NBAS: variants seen among roughly 807,000 people sequenced by gnomAD.
NBAS encodes the protein NBAS subunit of NRZ tethering complex, also known as NAG/BC035112 fusion.
NBAS carries 219 observed loss-of-function variants against 302.5 expected under a neutral mutation model. The observed-to-expected ratio is 0.72, with a 90% CI of 0.65 to 0.81. NBAS has a LOEUF of 0.81. Among genes scored for constraint, NBAS ranks in the 30% least tolerant of loss-of-function variants. The pLI, the probability that NBAS is intolerant of heterozygous loss-of-function variation, is 0.00. For synonymous variants in NBAS, 1,118 were observed against 1,021.6 expected (o/e 1.09, Z -1.80); for missense variants, 2,932 against 2,841.6 (o/e 1.03, Z -0.72).
intron 9 of NBAS, among the ~76,000 whole-genome samples, chr2:15,519,009 G>A (rs184241488): frequency 1.1e-3 from 171 of 152,226 alleles, no homozygotes; most frequent in African/African-American, 4.0e-3. Context: ...TGAGATTTGG[G>A]TGGGGACACA....
At chr2:15,257,400 CT>C (rs528160196) in intron 44 of NBAS, among the ~76,000 whole-genome samples, 2,273 of 135,126 alleles carry the variant, frequency 0.017, 34 homozygotes, top group African/African-American at 0.05. Flanking sequence ...CATTTAATTT[CT>C]TTTTTTTTTT....
At chr2:15,059,716 T>C in the NBAS span, among the ~76,000 whole-genome samples, 1 of 152,238 alleles carries the variant, frequency 6.6e-6, no homozygotes, top group Non-Finnish European at 1.5e-5. Context: ...CTGTCTCTCA[T>C]GAGAACAGGC....
At chr2:15,360,340 AAAAAAAC>A (rs1673842928) in intron 32 of NBAS, among the ~76,000 whole-genome samples, 2 of 119,658 alleles carry the variant, frequency 1.7e-5, no homozygotes, top group South Asian at 5.2e-4. Context: ...TAAAAAAAAA[AAAAAAAC>A]AAAACAAAAC....
chr2:15,098,450 A>ATTACATATGATATATTGTATATAATATG, the NBAS span, among the ~76,000 whole-genome samples: 1 of 58,694 alleles, frequency 1.7e-5, no homozygotes, highest in Non-Finnish European at 2.8e-5. Flanking sequence ...TATATTGTAT[A>ATTACATATGATATATTGTATATAATATG]TTATATATTA....
chr2:14,927,110 C>A, the NBAS span, among the ~76,000 whole-genome samples: 25 of 152,360 alleles, frequency 1.6e-4, no homozygotes, highest in African/African-American at 6.0e-4. Context: ...GCTTCATCTG[C>A]AGCACTACCT....
At chr2:15,053,665 C>A in the NBAS span, among the ~76,000 whole-genome samples, 1 of 151,954 alleles carries the variant, frequency 6.6e-6, no homozygotes, top group Admixed American at 6.5e-5. Context: ...CCGGGGGGAT[C>A]TCGGGGTCCA....
At chr2:15,468,845 G>A (rs1208234308) in intron 16 of NBAS, among the ~76,000 whole-genome samples, 1 of 152,172 alleles carries the variant, frequency 6.6e-6, no homozygotes, top group Non-Finnish European at 1.5e-5. Flanking sequence ...CCTTTGGTTT[G>A]CACCGTGGCT....
the NBAS span, among the ~76,000 whole-genome samples, chr2:14,982,559 A>C: frequency 6.6e-6 from 1 of 152,116 alleles, no homozygotes; most frequent in African/African-American, 2.4e-5. Flanking sequence ...AATGGAAGAG[A>C]GGGTATCTAG....
At chr2:15,086,628 C>T in the NBAS span, among the ~76,000 whole-genome samples, 12 of 152,128 alleles carry the variant, frequency 7.9e-5, no homozygotes, top group African/African-American at 2.4e-4. Context: ...TCCAAGCTTC[C>T]GGTGCCACCA....
At chr2:15,162,854 C>G (rs1663928563), downstream of NBAS, among the ~76,000 whole-genome samples, 1 of 152,194 alleles carries the variant, frequency 6.6e-6, no homozygotes, top group African/African-American at 2.4e-5. Context: ...GCTGTTGGAG[C>G]TAAATTAGAC....
chr2:15,406,562 C>T (rs1323198339), intron 25 of NBAS, among the ~76,000 whole-genome samples: 1 of 151,944 alleles, frequency 6.6e-6, no homozygotes. Context: ...AATTTGACTA[C>T]ACAAAAATTA....
At chr2:15,403,127 A>T (rs1008621656) in intron 25 of NBAS, among the ~76,000 whole-genome samples, 1 of 151,888 alleles carries the variant, frequency 6.6e-6, no homozygotes, top group African/African-American at 2.4e-5. Context: ...CAATAAAATA[A>T]ATCTAAGATA....
At chr2:15,148,515 T>A in the NBAS span, among the ~76,000 whole-genome samples, 1 of 151,822 alleles carries the variant, frequency 6.6e-6, no homozygotes, top group South Asian at 2.1e-4. Context: ...ACGTGCAGAG[T>A]GGTACCTGTG....
At chr2:15,473,526 T>C (rs1680050904) in intron 15 of NBAS, among the ~76,000 whole-genome samples, 179 bp from the exon 16 acceptor site, 1 of 152,198 alleles carries the variant, frequency 6.6e-6, no homozygotes, top group Admixed American at 6.5e-5. Context: ...TCGTGTTTCT[T>C]TCAGCACTTC....
the NBAS span, among the ~76,000 whole-genome samples, chr2:14,997,304 C>A: frequency 2.0e-5 from 3 of 152,102 alleles, no homozygotes; most frequent in Non-Finnish European, 4.4e-5. Flanking sequence ...GACACATACA[C>A]CTGAATCTAA....
chr2:15,308,448 G>C, intron 39 of NBAS, 95 bp from the exon 40 acceptor site: 2 of 1,489,592 alleles, frequency 1.3e-6, no homozygotes, highest in Non-Finnish European at 1.8e-6. Context: ...CAGATTTTTT[G>C]TACAAAGTTC....
chr2:15,536,016 T>C (rs928498456), intron 8 of NBAS, among the ~76,000 whole-genome samples: 2 of 152,238 alleles, frequency 1.3e-5, no homozygotes, highest in African/African-American at 4.8e-5. Context: ...ATGTACGCAT[T>C]TGTCATAACT....
the NBAS span, among the ~76,000 whole-genome samples, chr2:14,924,254 C>A: frequency 6.6e-6 from 1 of 152,220 alleles, no homozygotes; most frequent in Non-Finnish European, 1.5e-5. Context: ...AATGCAGATT[C>A]CTGTCATGGA....
the NBAS span, among the ~76,000 whole-genome samples, chr2:14,958,996 A>C: frequency 1.3e-5 from 2 of 152,186 alleles, no homozygotes; most frequent in African/African-American, 4.8e-5. Context: ...TGGGTGACCC[A>C]CATTTAGGAT....
Sources: gnomAD v4.1 joint callset for allele counts (sites outside exome capture counted in the v4.1 genomes callset) on GRCh38, gnomAD v4.1.1 for gene constraint, MANE v1.5 for transcripts, NCBI Gene and HGNC (gene_info 2026-07-23, HGNC 2026-07-21) for gene names.